The following GSE1 variants were observed in gnomAD, a reference collection of about 807,000 sequenced individuals.
The protein encoded by GSE1 is Gse1 coiled-coil protein, also known as genetic suppressor element 1.
Under a neutral mutation model 112.6 loss-of-function variants are expected in GSE1, and 32 were observed. That is an observed-to-expected ratio of 0.28 (90% CI 0.21 to 0.38). GSE1 has a LOEUF of 0.38. GSE1 is among the 10% of genes least tolerant of loss of function. The pLI is 1.00. For missense variants in GSE1, 2,348 were observed against 1,699.2 expected (o/e 1.38, Z -6.71); for synonymous variants, 1,115 against 735.6 (o/e 1.52, Z -8.35).
intron 1 of GSE1, among the ~76,000 whole-genome samples, chr16:85,177,011 A>G (rs1165609496): frequency 2.6e-5 from 4 of 152,060 alleles, no homozygotes; most frequent in African/African-American, 9.7e-5. Context: ...TGGTACTGGC[A>G]CCCTCTCCTT....
chr16:85,355,026 G>A (rs2046923377), intron 1 of GSE1, among the ~76,000 whole-genome samples: 1 of 152,200 alleles, frequency 6.6e-6, no homozygotes, highest in Admixed American at 6.5e-5. Flanking sequence ...TAAGCCGCCG[G>A]CATGCCTGTG....
intron 2 of GSE1, among the ~76,000 whole-genome samples, chr16:85,539,189 G>A (rs551093702): frequency 3.3e-5 from 5 of 152,332 alleles, no homozygotes; most frequent in South Asian, 2.1e-4. Flanking sequence ...CAGCTGGACA[G>A]AGCCGTTTGA....
intron 1 of GSE1, among the ~76,000 whole-genome samples, chr16:85,577,548 T>C (rs911293283): frequency 2.0e-5 from 3 of 152,116 alleles, no homozygotes; most frequent in Non-Finnish European, 4.4e-5. Context: ...CATTTCTCCT[T>C]CGCACTAGCC....
At chr16:85,575,858 G>A (rs2046206434) in intron 1 of GSE1, among the ~76,000 whole-genome samples, 1 of 149,416 alleles carries the variant, frequency 6.7e-6, no homozygotes, top group Admixed American at 6.7e-5. Context: ...TTTAGCTGTT[G>A]AATTTTCATT....
intron 1 of GSE1, among the ~76,000 whole-genome samples, chr16:85,321,815 A>G (rs1292332904): frequency 2.0e-5 from 3 of 152,006 alleles, no homozygotes; most frequent in African/African-American, 4.8e-5. Flanking sequence ...AAAGAAAAAA[A>G]AGTTCTGCCT....
At chr16:85,549,817 C>T (rs8060638) in intron 2 of GSE1, among the ~76,000 whole-genome samples, 35,287 of 152,088 alleles carry the variant, frequency 0.23, 4,389 homozygotes, top group South Asian at 0.39. Flanking sequence ...CCTTGCTGAG[C>T]GACTTCACTT....
Position 85,419,849 on chromosome 16 carries a change from T to G in GSE1, c.2464+62206T>G, listed in dbSNP as rs1597698523. Among the ~76,000 whole-genome samples, 1 of 144,388 alleles carries G rather than the reference T, an allele frequency of 6.9e-6. No individual in the cohort carries two copies. The allele number at this position is 144,388 out of a possible 152,430, so 94.7% of individuals were successfully genotyped here. On this transcript the variant is annotated intron_variant, in intron 2 of 2. Transcript: ENST00000637419. The surrounding 1 kb of genome is among the most constrained non-coding windows in gnomAD (Gnocchi z 6.5). Reference sequence around the variant, plus strand: ...CAGGAACTCCACAGGTGAAGTGGAGTGGGCAGCCAGGGCTGACCACCACTG... The same window carrying G: ...CAGGAACTCCACAGGTGAAGTGGAGGGGGCAGCCAGGGCTGACCACCACTG...
intron 1 of GSE1, among the ~76,000 whole-genome samples, chr16:85,239,132 A>T (rs1019851778): frequency 6.6e-6 from 1 of 152,082 alleles, no homozygotes; most frequent in Non-Finnish European, 1.5e-5. Context: ...AGGTTTCACC[A>T]TGTTGGCCAG....
intron 1 of GSE1, among the ~76,000 whole-genome samples, chr16:85,223,797 G>A (rs2075434379): frequency 6.6e-6 from 1 of 151,780 alleles, no homozygotes; most frequent in Admixed American, 6.6e-5. Flanking sequence ...TGGAGATGGG[G>A]TTTCACCATG....
upstream of GSE1, among the ~76,000 whole-genome samples, chr16:85,553,141 G>A (rs1215452675): frequency 2.0e-5 from 3 of 149,882 alleles, no homozygotes; most frequent in African/African-American, 2.4e-5. Context: ...GCCGCCCCCC[G>A]CCCCGCCCCC....
At chr16:85,175,813 G>A (rs60239983) in intron 1 of GSE1, among the ~76,000 whole-genome samples, 44,167 of 152,060 alleles carry the variant, frequency 0.29, 7,706 homozygotes, top group Middle Eastern at 0.51. Context: ...AAGCCTCGCC[G>A]CAGCCCGGTT....
At chr16:85,613,293 G>A, upstream of GSE1, 1 of 1,539,208 alleles carries the variant, frequency 6.5e-7, no homozygotes, top group South Asian at 1.2e-5. Flanking sequence ...CCGAGCTGCC[G>A]CCGCCGAGCA....
intron 1 of GSE1, among the ~76,000 whole-genome samples, chr16:85,238,724 G>A (rs2143909644): frequency 6.6e-6 from 1 of 152,232 alleles, no homozygotes; most frequent in South Asian, 2.1e-4. Flanking sequence ...CAGGGTGGGG[G>A]ACCATCAGTC....
intron 2 of GSE1, among the ~76,000 whole-genome samples, chr16:85,362,081 C>T (rs1368037365): frequency 6.6e-6 from 1 of 152,128 alleles, no homozygotes; most frequent in African/African-American, 2.4e-5. Flanking sequence ...GGGCTGGGGA[C>T]TCTGCCCTCC....
chr16:85,240,730 G>A (rs1319818680), intron 1 of GSE1, among the ~76,000 whole-genome samples: 1 of 152,232 alleles, frequency 6.6e-6, no homozygotes, highest in Admixed American at 6.5e-5. Flanking sequence ...CCATTGTCCT[G>A]AGCAGAGTGA....
intron 1 of GSE1, among the ~76,000 whole-genome samples, chr16:85,302,821 G>A (rs2045564618): frequency 6.6e-6 from 1 of 152,192 alleles, no homozygotes; most frequent in African/African-American, 2.4e-5. Context: ...GGCAGGGTGG[G>A]TGAGGTCAGC....
intron 1 of GSE1, among the ~76,000 whole-genome samples, chr16:85,200,383 G>A (rs1460274206): frequency 1.3e-5 from 2 of 151,816 alleles, no homozygotes; most frequent in Non-Finnish European, 1.5e-5. Flanking sequence ...TGGGGGCTTG[G>A]GTCTCGGTGG....
chr16:85,472,784 C>T (rs188827203), intron 2 of GSE1, among the ~76,000 whole-genome samples: 7 of 152,352 alleles, frequency 4.6e-5, no homozygotes, highest in Middle Eastern at 3.4e-3. Flanking sequence ...AAGCTGTCAC[C>T]ATGACATGGA....
At chr16:85,497,316 T>C (rs1324642347) in intron 2 of GSE1, among the ~76,000 whole-genome samples, 1 of 152,236 alleles carries the variant, frequency 6.6e-6, no homozygotes, top group Non-Finnish European at 1.5e-5. Context: ...ATTGGGACTC[T>C]CGTGGCAGCA....
Sources: allele counts gnomAD v4.1 joint callset (sites outside exome capture counted in the v4.1 genomes callset), GRCh38; gene constraint gnomAD v4.1.1; non-coding constraint Gnocchi (gnomAD v3.1); transcripts MANE v1.5; gene names NCBI Gene and HGNC (gene_info 2026-07-23, HGNC 2026-07-21).